Variants in SMYD3 observed in about 807,000 individuals in gnomAD.
The protein encoded by SMYD3 is SET and MYND domain containing 3.
Under a neutral mutation model 57.7 loss-of-function variants are expected in SMYD3, and 36 were observed. The ratio of observed to expected loss-of-function variants is 0.62; its 90% CI spans 0.48 to 0.82. SMYD3 has a LOEUF of 0.82. SMYD3 is among the 40% of genes least tolerant of loss of function. SMYD3 has a pLI of 0.00. For missense variants in SMYD3, 515 were observed against 538.8 expected (o/e 0.96, Z 0.44); for synonymous variants, 211 against 195.0 (o/e 1.08, Z -0.68).
chr1:246,502,810 C>A (rs1055894412), intron 1 of SMYD3, among the ~76,000 whole-genome samples: 3 of 152,150 alleles, frequency 2.0e-5, no homozygotes, highest in African/African-American at 7.2e-5. Flanking sequence ...GCTCTCATCC[C>A]TGGAGTCTGT....
At chr1:246,169,401 A>C (rs868841988) in intron 5 of SMYD3, among the ~76,000 whole-genome samples, 1 of 151,358 alleles carries the variant, frequency 6.6e-6, no homozygotes, top group Non-Finnish European at 1.5e-5. Flanking sequence ...AAAAAAAAAA[A>C]AAACCTCTAA....
intron 5 of SMYD3, among the ~76,000 whole-genome samples, chr1:246,222,960 C>T (rs1421510713): frequency 6.6e-6 from 1 of 152,112 alleles, no homozygotes; most frequent in Non-Finnish European, 1.5e-5. Context: ...AGTTTATTCC[C>T]TATAGCATGA....
At chr1:245,928,522 A>AT (rs1247423625) in intron 6 of SMYD3, among the ~76,000 whole-genome samples, 1 of 150,398 alleles carries the variant, frequency 6.6e-6, no homozygotes, top group African/African-American at 2.5e-5. Flanking sequence ...AAATACAAAA[A>AT]AATTAGCTGG....
chr1:246,022,408 G>A lies in SMYD3; in HGVS notation c.532-92471C>T, dbSNP rs114144578. Among the ~76,000 whole-genome samples the A allele has an allele frequency of 4.9e-3, 741 of 152,256 alleles. 8 individuals are homozygous for A. The highest frequency in any genetic ancestry group is 0.017 in the African/African-American group (695 of 41,558). On this transcript the variant is annotated intron_variant, in intron 5 of 11. Coordinates refer to ENST00000490107, the MANE Select transcript of SMYD3 (RefSeq NM_001167740.2). The stretch of plus-strand genomic sequence containing the variant: ...CAGTGCACAGCGAGGGGGTAAGAAC[G>A]TGGGTTCTGGAGCCACGCAGCCTTG...
chr1:246,092,633 T>C (rs954448092), intron 5 of SMYD3, among the ~76,000 whole-genome samples: 1 of 152,152 alleles, frequency 6.6e-6, no homozygotes, highest in African/African-American at 2.4e-5. Context: ...AGGACAAATG[T>C]ACAACCCAAA....
At chr1:246,351,854 C>T (rs1317827473) in intron 2 of SMYD3, among the ~76,000 whole-genome samples, 2 of 151,996 alleles carry the variant, frequency 1.3e-5, no homozygotes, top group Non-Finnish European at 2.9e-5. Context: ...ATGAAATGTG[C>T]ACCAGATGCG....
chr1:246,177,833 G>T (rs1286188391), intron 5 of SMYD3, among the ~76,000 whole-genome samples: 1 of 152,148 alleles, frequency 6.6e-6, no homozygotes, highest in Non-Finnish European at 1.5e-5. Context: ...AGCAATTAAA[G>T]AATTTCTCCA....
chr1:246,217,686 T>C (rs2063186536), intron 5 of SMYD3, among the ~76,000 whole-genome samples: 2 of 152,100 alleles, frequency 1.3e-5, no homozygotes, highest in South Asian at 4.1e-4. Flanking sequence ...ATTGAAAATA[T>C]GAGGAAGGAT....
chr1:246,302,286 G>A (rs900762628), intron 5 of SMYD3, among the ~76,000 whole-genome samples: 2 of 152,118 alleles, frequency 1.3e-5, no homozygotes, highest in African/African-American at 4.8e-5. Context: ...CTAGCAATGG[G>A]GGGAGACCAG....
At chr1:246,454,087 G>T (rs2067667813) in intron 1 of SMYD3, among the ~76,000 whole-genome samples, 1 of 152,180 alleles carries the variant, frequency 6.6e-6, no homozygotes, top group African/African-American at 2.4e-5. Flanking sequence ...ATTCAGAGAA[G>T]TGTCCCCTAA....
At chr1:245,823,550 C>T (rs1399014185) in intron 10 of SMYD3, among the ~76,000 whole-genome samples, 1 of 152,224 alleles carries the variant, frequency 6.6e-6, no homozygotes, top group Non-Finnish European at 1.5e-5. Context: ...ACAGTCTCAG[C>T]AGGATTTACC....
At chr1:246,034,064 C>T (rs890125800) in intron 5 of SMYD3, among the ~76,000 whole-genome samples, 11 of 152,012 alleles carry the variant, frequency 7.2e-5, no homozygotes, top group South Asian at 4.1e-4. Context: ...AAAATTATTA[C>T]GTATATGAAA....
intron 5 of SMYD3, among the ~76,000 whole-genome samples, chr1:245,936,580 A>G (rs568320645): frequency 2.0e-5 from 3 of 152,336 alleles, no homozygotes; most frequent in Non-Finnish European, 2.9e-5. Flanking sequence ...GCCCAAAGCA[A>G]TAATATTTCA....
chr1:246,470,720 CA>C (rs1373510350), intron 1 of SMYD3, among the ~76,000 whole-genome samples: 1 of 149,764 alleles, frequency 6.7e-6, no homozygotes. Context: ...TACATACACA[CA>C]AAAAAAATCC....
chr1:246,041,815 T>TG (rs1378614183), intron 5 of SMYD3, among the ~76,000 whole-genome samples: 1 of 149,224 alleles, frequency 6.7e-6, no homozygotes, highest in African/African-American at 2.5e-5. Flanking sequence ...TAATCTTTAT[T>TG]GGGAAAAAAA....
intron 1 of SMYD3, among the ~76,000 whole-genome samples, chr1:246,415,301 T>C (rs1438109198): frequency 6.6e-6 from 1 of 152,226 alleles, no homozygotes; most frequent in Non-Finnish European, 1.5e-5. Context: ...GACCCAGAGA[T>C]GCAAAGGGAA....
intron 5 of SMYD3, among the ~76,000 whole-genome samples, chr1:246,160,644 G>A (rs1219604606): frequency 1.3e-5 from 2 of 152,194 alleles, no homozygotes; most frequent in East Asian, 3.8e-4. Context: ...GAGAAAGGCA[G>A]GGAGCTATGA....
intron 1 of SMYD3, among the ~76,000 whole-genome samples, chr1:246,378,728 T>TATATAATTATATATAATATAAC (rs1214046221): frequency 3.8e-5 from 4 of 106,394 alleles, no homozygotes; most frequent in Non-Finnish European, 5.4e-5. Flanking sequence ...TAATATATTA[T>TATATAATTATATATAATATAAC]ATATTATATA....
At chr1:246,456,394 AG>A (rs2067700495) in intron 1 of SMYD3, among the ~76,000 whole-genome samples, 1 of 152,204 alleles carries the variant, frequency 6.6e-6, no homozygotes, top group East Asian at 1.9e-4. Flanking sequence ...TAGGCACACA[AG>A]GTCGAGACCC....
Sources: allele counts gnomAD v4.1 joint callset (sites outside exome capture counted in the v4.1 genomes callset), GRCh38; gene constraint gnomAD v4.1.1; transcripts MANE v1.5; gene names NCBI Gene and HGNC (gene_info 2026-07-23, HGNC 2026-07-21).